ANKRD45: variants seen among roughly 807,000 people sequenced by gnomAD.
ANKRD45 encodes ankyrin repeat domain-containing protein 45.
ANKRD45 carries 21 observed loss-of-function variants against 28.1 expected under a neutral mutation model. That is an observed-to-expected ratio of 0.75 (90% confidence interval 0.53 to 1.08). ANKRD45 has a LOEUF of 1.08. Among genes scored for constraint, ANKRD45 ranks in the 50% least tolerant of loss-of-function variants. The probability of loss-of-function intolerance (pLI) is 0.00; values close to 1 mark genes in which losing one functional copy is unlikely to be tolerated. For missense variants in ANKRD45, 261 were observed against 308.7 expected (o/e 0.85, Z 1.16); for synonymous variants, 86 against 103.9 (o/e 0.83, Z 1.05).
chr1:173,613,613 C>T (rs1441498256), intron 5 of ANKRD45, among the ~76,000 whole-genome samples: 1 of 147,918 alleles, frequency 6.8e-6, no homozygotes, highest in Admixed American at 6.6e-5. Flanking sequence ...GGGGTCAGCC[C>T]ACGCCCGGCC....
At chr1:173,701,565 A>C in the ANKRD45 span, among the ~76,000 whole-genome samples, 4 of 152,214 alleles carry the variant, frequency 2.6e-5, no homozygotes, top group African/African-American at 7.2e-5. Context: ...AAACTATCAC[A>C]AGGACAGAAA....
the ANKRD45 span, among the ~76,000 whole-genome samples, chr1:173,687,984 ATC>A: frequency 7.0e-6 from 1 of 143,234 alleles, no homozygotes; most frequent in African/African-American, 2.7e-5. Flanking sequence ...TTAATGTTGA[ATC>A]TTTTTTTTTT....
At chr1:173,691,171 T>G in the ANKRD45 span, among the ~76,000 whole-genome samples, 1 of 152,334 alleles carries the variant, frequency 6.6e-6, no homozygotes, top group South Asian at 2.1e-4. Flanking sequence ...CCTTCCTTGG[T>G]CCATGCCCAG....
the ANKRD45 span, among the ~76,000 whole-genome samples, chr1:173,709,759 G>C: frequency 1.3e-5 from 2 of 152,038 alleles, no homozygotes; most frequent in African/African-American, 4.8e-5. Context: ...AGCCTCCCCA[G>C]TAGCTGGGAC....
intron 5 of ANKRD45, among the ~76,000 whole-genome samples, chr1:173,617,336 G>A (rs898460312): frequency 1.3e-5 from 2 of 152,360 alleles, no homozygotes; most frequent in South Asian, 4.1e-4. Flanking sequence ...ATTCCTGCCA[G>A]ACAGCGCAAC....
rs1667061239 is a variant in ANKRD45, at chr1:173,609,671, T to C, written c.*474A>G. 1 of 154,190 alleles carries C rather than the reference T, an allele frequency of 6.5e-6. No individual in the cohort carries two copies. The highest frequency in any genetic ancestry group is 1.9e-4 in the East Asian group (1 of 5,236). 9.6% of individuals were successfully genotyped at this position (154,190 alleles called of 1,614,324 possible). On this transcript the variant is annotated 3_prime_UTR_variant, in exon 6 of 6. Coordinates refer to ENST00000333279, the MANE Select transcript of ANKRD45 (RefSeq NM_198493.3). ...ACCCCACCTCACAGGTGAAATTTAA[T>C]TTTGGACATAAAAAGTGATAGTTGT...
chr1:173,671,867 G>A (rs1260915775), upstream of ANKRD45, among the ~76,000 whole-genome samples: 1 of 147,718 alleles, frequency 6.8e-6, no homozygotes, highest in African/African-American at 2.5e-5. Context: ...GGGTGACAGA[G>A]CAAGACTCCG....
At chr1:173,634,401 G>A (rs192348675) in intron 3 of ANKRD45, among the ~76,000 whole-genome samples, 16 of 151,890 alleles carry the variant, frequency 1.1e-4, no homozygotes, top group African/African-American at 3.1e-4. Context: ...TTTGGGCTAC[G>A]TTGTGTATAT....
At chr1:173,671,697 C>T (rs1221086871), upstream of ANKRD45, among the ~76,000 whole-genome samples, 2 of 150,534 alleles carry the variant, frequency 1.3e-5, no homozygotes, top group Admixed American at 6.6e-5. Flanking sequence ...AGTGAAACCC[C>T]GTCTCTACTA....
rs1558114945 is a variant in ANKRD45, at chr1:173,613,563, C to CT, written c.731-3349_731-3348insA. Among the ~76,000 whole-genome samples the CT allele has an allele frequency of 9.7e-4, 95 of 98,348 alleles. 5 individuals are homozygous for CT. In the African/African-American group the frequency reaches 0.012, roughly 13 times the overall value. 64.5% of individuals were successfully genotyped at this position (98,348 alleles called of 152,430 possible). A position where few individuals can be genotyped will look rare whatever the true frequency, so the allele number is the denominator to read the frequency against. On this transcript the variant is annotated intron_variant, in intron 5 of 5. Transcript: ENST00000333279. ...GTCCGGGAGGGAGGTGGGGGGTCAG[C>CT]CCCCCCCCCGGCCAGCCGCCCCGTC...
chr1:173,613,570 C>CT (rs1475411199), intron 5 of ANKRD45, among the ~76,000 whole-genome samples: 1 of 148,780 alleles, frequency 6.7e-6, no homozygotes, highest in Non-Finnish European at 1.5e-5. Flanking sequence ...CAGCCCCCCC[C>CT]CCGGCCAGCC....
rs564265884 is a variant in ANKRD45 at position 173,619,237 on chromosome 1, C to T, written c.730+5550G>A. ...TGAAGCAACCACATAAACAAGTCTG[C>T]AAAAATAACCAGCTAGCATCATGAT... On this transcript the variant is annotated intron_variant, in intron 5 of 5. Transcript: ENST00000333279. 3.3e-5 allele frequency among the ~76,000 whole-genome samples: 5 copies of T among 152,200 alleles called. No individual in the cohort carries two copies. In the South Asian group the frequency reaches 8.3e-4, roughly 25 times the overall value.
At position 173,637,074 on chromosome 1, in the gene ANKRD45, A is replaced by G. The variant is rs1455095437; in HGVS notation, c.496+9772T>C. ...GCAAATGTAGCTTAGTCAATTATAG[A>G]TATCACAAAAGAAATCTATCATCTA... On this transcript the variant is annotated intron_variant, in intron 3 of 5. Coordinates refer to ENST00000333279, the MANE Select transcript of ANKRD45 (RefSeq NM_198493.3). 2.3e-6 allele frequency: 3 copies of G among 1,283,460 alleles called. No individual in the cohort carries two copies. The South Asian group carries it at 4.0e-5, about 17-fold the overall frequency. The allele number at this position is 1,283,460 out of a possible 1,614,324, so 79.5% of individuals were successfully genotyped here.
intron 5 of ANKRD45, among the ~76,000 whole-genome samples, chr1:173,612,446 C>A (rs1017425372): frequency 6.6e-6 from 1 of 152,066 alleles, no homozygotes; most frequent in African/African-American, 2.4e-5. Context: ...AGAGAAAATA[C>A]AGAAATGGCC....
intron 5 of ANKRD45, among the ~76,000 whole-genome samples, chr1:173,615,692 T>C (rs1036840844): frequency 2.6e-5 from 4 of 152,162 alleles, no homozygotes; most frequent in African/African-American, 9.7e-5. Context: ...AACTCAGCAA[T>C]ATACCAAAGA....
chr1:173,622,696 TAA>T (rs1001542080), intron 5 of ANKRD45, among the ~76,000 whole-genome samples: 9 of 152,046 alleles, frequency 5.9e-5, no homozygotes, highest in African/African-American at 2.2e-4. Context: ...CCCAAAACTA[TAA>T]AAACCCTAGA....
chr1:173,636,962 C>T, intron 3 of ANKRD45: 1 of 1,535,628 alleles, frequency 6.5e-7, no homozygotes, highest in Non-Finnish European at 8.7e-7. Context: ...CAGGTCTCAC[C>T]ATCCTTCCTC....
chr1:173,680,824 T>A, the ANKRD45 span, among the ~76,000 whole-genome samples: 1 of 151,942 alleles, frequency 6.6e-6, no homozygotes, highest in African/African-American at 2.4e-5. Context: ...TGCAGGGACA[T>A]GCATGAAGCT....
rs1385800661 is a variant in ANKRD45 at position 173,608,748 on chromosome 1, G to A, written c.*1397C>T. Among the ~76,000 whole-genome samples, 3 of 149,102 alleles carry A rather than the reference G, an allele frequency of 2.0e-5. No homozygotes were observed. Among genetic ancestry groups the A allele is most frequent in the African/African-American group, 5.0e-5 (2 of 40,052 alleles). The stretch of plus-strand genomic sequence containing the variant: ...AGCCTGGGCAGGAGAGGCAGACCCT[G>A]TCAAGAAGGTTGCGGGGGTGGAGAG... On this transcript the variant is annotated 3_prime_UTR_variant, in exon 6 of 6. Transcript: ENST00000333279.
Sources: gnomAD v4.1 joint callset for allele counts (sites outside exome capture counted in the v4.1 genomes callset) on GRCh38, gnomAD v4.1.1 for gene constraint, MANE v1.5 for transcripts, NCBI Gene and HGNC (gene_info 2026-07-23, HGNC 2026-07-21) for gene names.